Variants in MTUS2 observed in about 807,000 individuals in gnomAD.
The protein encoded by MTUS2 is microtubule-associated tumor suppressor candidate 2.
In MTUS2, 40 loss-of-function variants were observed where a neutral mutation model predicts 114.1. That is an observed-to-expected ratio of 0.35 (90% confidence interval 0.27 to 0.46). The LOEUF (loss-of-function observed/expected upper bound fraction) is 0.46, where lower values mean the gene tolerates loss of function less well. Ranked by LOEUF, MTUS2 falls within the 20% of genes least tolerant of loss-of-function variation. The pLI is 1.00. For missense variants in MTUS2, 1,679 were observed against 1,705.4 expected (o/e 0.98, Z 0.27); for synonymous variants, 688 against 672.0 (o/e 1.02, Z -0.37).
chr13:29,307,305 C>T (rs1899516193), intron 6 of MTUS2: 1 of 672,508 alleles, frequency 1.5e-6, no homozygotes, highest in African/African-American at 1.8e-5. Context: ...GACTCATGAC[C>T]ACAGTCCATG....
intron 6 of MTUS2, among the ~76,000 whole-genome samples, chr13:29,298,161 T>C (rs1899031828): frequency 6.6e-6 from 1 of 152,216 alleles, no homozygotes; most frequent in African/African-American, 2.4e-5. Context: ...GATGAATTCT[T>C]GTCAATATGC....
At chr13:29,306,850 TCTGC>T in intron 6 of MTUS2, 1 of 476,528 alleles carries the variant, frequency 2.1e-6, no homozygotes, top group Non-Finnish European at 4.2e-6. Context: ...TGCTTTTAAC[TCTGC>T]TAAAGTAGAT....
intron 2 of MTUS2, among the ~76,000 whole-genome samples, chr13:28,979,887 G>C (rs1487402447): frequency 1.3e-5 from 2 of 152,130 alleles, no homozygotes; most frequent in Non-Finnish European, 2.9e-5. Context: ...CTTTTTTGGG[G>C]AGGGGGACTT....
intron 2 of MTUS2, among the ~76,000 whole-genome samples, chr13:29,013,825 G>A (rs906174699): frequency 6.6e-6 from 1 of 152,162 alleles, no homozygotes. Context: ...GCAGGAAGAC[G>A]CAAAGATCTC....
chr13:29,100,686 A>T, intron 4 of MTUS2, 87 bp from the exon 5 acceptor site: 1 of 1,417,952 alleles, frequency 7.1e-7, no homozygotes, highest in Non-Finnish European at 9.6e-7. Context: ...TTTATGATAG[A>T]ACTGGGTTCG....
Position 29,350,960 on chromosome 13 carries a change from C to CATATATATAT in MTUS2, c.2906-8287_2906-8278dup, listed in dbSNP as rs56192034. ...TAGGAATTAGGGCATATATATATTTCATATATATATATATATATATATATC... is the reference window on the plus strand; with the variant it reads ...TAGGAATTAGGGCATATATATATTTCATATATATATATATATATATATATATATATATATC... On this transcript the variant is annotated intron_variant, in intron 7 of 15. Coordinates refer to ENST00000612955, the MANE Select transcript of MTUS2 (RefSeq NM_001033602.4). 5.5e-4 allele frequency among the ~76,000 whole-genome samples: 71 copies of CATATATATAT among 128,646 alleles called. 3 individuals are homozygous for CATATATATAT. Among genetic ancestry groups the CATATATATAT allele is most frequent in the Non-Finnish European group, 8.2e-4 (48 of 58,624 alleles). 84.4% of individuals were successfully genotyped at this position (128,646 alleles called of 152,430 possible).
intron 2 of MTUS2, among the ~76,000 whole-genome samples, chr13:28,957,110 A>G (rs1025797971): frequency 3.9e-5 from 6 of 152,196 alleles, no homozygotes; most frequent in African/African-American, 1.2e-4. Context: ...ATCACAGTGT[A>G]CAAAGAGCTC....
chr13:29,120,742 G>T (rs917347568), intron 5 of MTUS2, among the ~76,000 whole-genome samples: 1 of 152,172 alleles, frequency 6.6e-6, no homozygotes, highest in African/African-American at 2.4e-5. Context: ...TGATCCCCTT[G>T]GGGTCCGATG....
Position 29,503,336 on chromosome 13 carries a change from G to C in MTUS2, c.*130G>C. On this transcript the variant is annotated 3_prime_UTR_variant, in exon 16 of 16. Coordinates refer to ENST00000612955, the MANE Select transcript of MTUS2 (RefSeq NM_001033602.4). ...GTAGCTGCGAATGCATCCTAGGCGC[G>C]TCCTCCTCTGATCCCCGTGTAAGAC... 2 of 988,532 alleles carry C rather than the reference G, an allele frequency of 2.0e-6. No individual in the cohort carries two copies. The highest frequency in any genetic ancestry group is 3.0e-6 in the Non-Finnish European group (2 of 665,394). The allele number at this position is 988,532 out of a possible 1,614,324, so 61.2% of individuals were successfully genotyped here.
At chr13:28,969,035 T>C (rs933506917) in intron 2 of MTUS2, among the ~76,000 whole-genome samples, 1 of 152,218 alleles carries the variant, frequency 6.6e-6, no homozygotes, top group East Asian at 1.9e-4. Context: ...CAATTTTTTG[T>C]ATAATTTTGT....
At chr13:29,256,018 G>A (rs915125770) in intron 5 of MTUS2, among the ~76,000 whole-genome samples, 2 of 152,188 alleles carry the variant, frequency 1.3e-5, no homozygotes, top group Non-Finnish European at 2.9e-5. Context: ...CATCTATGTA[G>A]GTGCTTAATA....
chr13:28,934,975 C>G lies in MTUS2; in HGVS notation c.-242-89482C>G, dbSNP rs569067285. Among the ~76,000 whole-genome samples, 281 of 146,974 alleles carry G rather than the reference C, an allele frequency of 1.9e-3. 2 individuals are homozygous for G. The highest frequency in any genetic ancestry group is 4.3e-3 in the Admixed American group (63 of 14,630). On this transcript the variant is annotated intron_variant, in intron 2 of 15. Transcript: ENST00000612955. ...GGTACCCCTGCCAGCCCTTTCCACC[C>G]GTAGGTGACCACTTGTTTCATCTCC...
intron 8 of MTUS2, among the ~76,000 whole-genome samples, chr13:29,383,296 C>G (rs1024755001): frequency 1.9e-5 from 2 of 105,102 alleles, no homozygotes; most frequent in African/African-American, 3.2e-5. Context: ...GTAATGCCTA[C>G]CAGCCATCTT....
At chr13:28,985,043 T>A (rs1481153008) in intron 2 of MTUS2, among the ~76,000 whole-genome samples, 2 of 152,226 alleles carry the variant, frequency 1.3e-5, no homozygotes, top group Non-Finnish European at 2.9e-5. Flanking sequence ...GTGGCTTTTA[T>A]TTTGGAATGG....
intron 2 of MTUS2, among the ~76,000 whole-genome samples, chr13:28,982,025 A>G (rs1197382813): frequency 2.0e-5 from 3 of 152,152 alleles, no homozygotes; most frequent in African/African-American, 4.8e-5. Flanking sequence ...GGATTCTTAC[A>G]TGGTGAATCA....
At chr13:28,901,770 T>G (rs1238991592) in intron 2 of MTUS2, among the ~76,000 whole-genome samples, 1 of 152,216 alleles carries the variant, frequency 6.6e-6, no homozygotes, top group South Asian at 2.1e-4. Flanking sequence ...AGCAATAAAG[T>G]AAGTCTTAAT....
chr13:29,223,346 G>A (rs1895982314), intron 5 of MTUS2, among the ~76,000 whole-genome samples: 2 of 152,174 alleles, frequency 1.3e-5, no homozygotes, highest in Admixed American at 6.5e-5. Context: ...TACCCACTGT[G>A]GGCCTCCTCT....
At chr13:28,840,963 T>C (rs888793243) in intron 2 of MTUS2, among the ~76,000 whole-genome samples, 9 of 152,256 alleles carry the variant, frequency 5.9e-5, no homozygotes, top group African/African-American at 2.2e-4. Flanking sequence ...GTTTCTGCCA[T>C]GTGGTGATTT....
At chr13:28,918,110 A>G (rs1273587832) in intron 2 of MTUS2, among the ~76,000 whole-genome samples, 1 of 151,940 alleles carries the variant, frequency 6.6e-6, no homozygotes, top group East Asian at 1.9e-4. Context: ...TCTATTTTTG[A>G]GAATGAGCCA....
Sources: gnomAD v4.1 joint callset for allele counts (sites outside exome capture counted in the v4.1 genomes callset) on GRCh38, gnomAD v4.1.1 for gene constraint, MANE v1.5 for transcripts, NCBI Gene and HGNC (gene_info 2026-07-23, HGNC 2026-07-21) for gene names.